Variants in WWOX observed in about 807,000 individuals in gnomAD.
WWOX encodes the protein WW domain-containing oxidoreductase.
Under a neutral mutation model 46.2 loss-of-function variants are expected in WWOX, and 69 were observed. The ratio of observed to expected loss-of-function variants is 1.49; its 90% CI spans 1.23 to 1.82. The LOEUF is 1.82. Ranked by LOEUF, WWOX falls within the 40% of genes most tolerant of loss-of-function variation. The pLI, the probability that WWOX is intolerant of heterozygous loss-of-function variation, is 0.00. For synonymous variants in WWOX, 359 were observed against 202.6 expected, an observed-to-expected ratio of 1.77 and a Z score of -6.56; for missense variants, 919 against 542.6, an observed-to-expected ratio of 1.69 and a Z score of -6.89.
intron 8 of WWOX, among the ~76,000 whole-genome samples, chr16:78,515,049 A>G (rs777606026): frequency 6.6e-6 from 1 of 151,842 alleles, no homozygotes. Flanking sequence ...GCAAAACCCC[A>G]CCTCTACTAA....
At chr16:78,997,715 T>C (rs1737318538) in intron 8 of WWOX, among the ~76,000 whole-genome samples, 1 of 152,084 alleles carries the variant, frequency 6.6e-6, no homozygotes, top group South Asian at 2.1e-4. Flanking sequence ...TTTCTTTGTA[T>C]TATTCCCCTA....
intron 8 of WWOX, among the ~76,000 whole-genome samples, chr16:78,611,569 A>C (rs1426849216): frequency 6.6e-6 from 1 of 152,146 alleles, no homozygotes; most frequent in Non-Finnish European, 1.5e-5. Flanking sequence ...CCTAAGCAAG[A>C]CCAAGAAGCT....
chr16:78,150,147 C>G lies in WWOX; in HGVS notation c.410-14036C>G, dbSNP rs540268578. ...AAATTGGGGTTCCCACGACCATCTC[C>G]TCAGGCTTGATAATTTGCTATAATG... On this transcript the variant is annotated intron_variant, in intron 4 of 8. Coordinates refer to ENST00000566780, the MANE Select transcript of WWOX (RefSeq NM_016373.4). Among the ~76,000 whole-genome samples, 303 of 152,278 alleles carry G rather than the reference C, an allele frequency of 2.0e-3. 3 individuals are homozygous for G. The highest frequency in any genetic ancestry group is 0.012 in the South Asian group (56 of 4,818).
intron 5 of WWOX, among the ~76,000 whole-genome samples, chr16:78,340,717 C>T (rs13334671): frequency 0.23 from 26,868 of 117,448 alleles, 8,549 homozygotes; most frequent in African/African-American, 0.38. Flanking sequence ...ACAAATATCC[C>T]ACAGAAGGAT....
chr16:78,140,102 A>C (rs1452631644), intron 4 of WWOX, among the ~76,000 whole-genome samples: 1 of 152,194 alleles, frequency 6.6e-6, no homozygotes, highest in Non-Finnish European at 1.5e-5. Flanking sequence ...TTGTAGCCCC[A>C]GGTGAGGCCA....
At chr16:78,399,290 C>A (rs1462388778) in intron 6 of WWOX, among the ~76,000 whole-genome samples, 1 of 152,120 alleles carries the variant, frequency 6.6e-6, no homozygotes, top group African/African-American at 2.4e-5. Context: ...TTGATACCTC[C>A]TTGGGTGGCA....
At chr16:79,142,735 G>T (rs955945358) in intron 8 of WWOX, among the ~76,000 whole-genome samples, 1 of 152,046 alleles carries the variant, frequency 6.6e-6, no homozygotes, top group Non-Finnish European at 1.5e-5. Context: ...GTCTCATTCC[G>T]TTCCCTAGGC....
At chr16:78,940,975 G>C (rs938569950) in intron 8 of WWOX, among the ~76,000 whole-genome samples, 1 of 151,490 alleles carries the variant, frequency 6.6e-6, no homozygotes, top group African/African-American at 2.4e-5. Context: ...ATTTCATAAG[G>C]GTCTTCTGGA....
intron 8 of WWOX, among the ~76,000 whole-genome samples, chr16:78,592,624 G>A (rs1045211036): frequency 7.2e-5 from 11 of 152,158 alleles, no homozygotes; most frequent in Admixed American, 7.2e-4. Flanking sequence ...TGGAAGACAA[G>A]GCCTGGCATA....
At chr16:78,900,811 T>A (rs2044812295) in intron 8 of WWOX, among the ~76,000 whole-genome samples, 1 of 149,944 alleles carries the variant, frequency 6.7e-6, no homozygotes. Context: ...TGAAGGATAT[T>A]AAATAAAATT....
chr16:78,917,891 C>A (rs149872908), intron 8 of WWOX, among the ~76,000 whole-genome samples: 3 of 151,720 alleles, frequency 2.0e-5, no homozygotes, highest in Non-Finnish European at 4.4e-5. Context: ...TTTTTTAAAA[C>A]AAAAAAAAGT....
intron 8 of WWOX, among the ~76,000 whole-genome samples, chr16:78,710,177 G>A (rs1243701281): frequency 6.6e-6 from 1 of 151,922 alleles, no homozygotes; most frequent in African/African-American, 2.4e-5. Flanking sequence ...AGAGGCCTAA[G>A]AACAGGCTTT....
chr16:78,971,628 A>C lies in WWOX; in HGVS notation c.1057-239980A>C, dbSNP rs374079219. Among the ~76,000 whole-genome samples the C allele has an allele frequency of 3.5e-4, 53 of 152,166 alleles. 1 individual carries two copies. Among genetic ancestry groups the C allele is most frequent in the African/African-American group, 1.2e-3 (49 of 41,516 alleles). On this transcript the variant is annotated intron_variant, in intron 8 of 8. Transcript: ENST00000566780. ...AAAAGGAAGGGTACTGGGTGGACCA[A>C]ATCTATTGTTACAATATCCCTTATA...
At chr16:79,190,834 C>T (rs2051121298) in intron 8 of WWOX, among the ~76,000 whole-genome samples, 1 of 152,166 alleles carries the variant, frequency 6.6e-6, no homozygotes, top group Non-Finnish European at 1.5e-5. Context: ...AATGTAGAGC[C>T]TGCAAAGTCT....
At chr16:78,400,305 C>T (rs2082381563) in intron 6 of WWOX, among the ~76,000 whole-genome samples, 1 of 152,128 alleles carries the variant, frequency 6.6e-6, no homozygotes. Flanking sequence ...GGAAATGGGT[C>T]TTAATGGAAT....
intron 8 of WWOX, among the ~76,000 whole-genome samples, chr16:78,600,126 A>G (rs146036112): frequency 7.9e-5 from 12 of 152,100 alleles, no homozygotes; most frequent in Admixed American, 2.6e-4. Flanking sequence ...TTATAAAACC[A>G]TCAGATCTCG....
At chr16:78,514,273 T>G (rs2085435202) in intron 8 of WWOX, among the ~76,000 whole-genome samples, 1 of 152,158 alleles carries the variant, frequency 6.6e-6, no homozygotes, top group Non-Finnish European at 1.5e-5. Flanking sequence ...CTTTAGTAAT[T>G]AGATAATTAT....
chr16:78,949,587 C>T (rs2046017479), intron 8 of WWOX, among the ~76,000 whole-genome samples: 1 of 152,206 alleles, frequency 6.6e-6, no homozygotes, highest in Non-Finnish European at 1.5e-5. Context: ...TCATGCTGTA[C>T]TACTTTTAAT....
chr16:78,441,034 C>A (rs1369779957), intron 8 of WWOX, among the ~76,000 whole-genome samples: 1 of 152,172 alleles, frequency 6.6e-6, no homozygotes, highest in Non-Finnish European at 1.5e-5. Context: ...CCTCCGCCTC[C>A]CAGGTTCAAG....
Sources: gnomAD v4.1 joint callset for allele counts (sites outside exome capture counted in the v4.1 genomes callset) on GRCh38, gnomAD v4.1.1 for gene constraint, MANE v1.5 for transcripts, NCBI Gene and HGNC (gene_info 2026-07-23, HGNC 2026-07-21) for gene names.